The following EFR3B variants were observed in gnomAD, a reference collection of about 807,000 sequenced individuals.
EFR3B encodes EFR3 homolog B.
In EFR3B, 64 loss-of-function variants were observed where a neutral mutation model predicts 104.7. The ratio of observed to expected loss-of-function variants is 0.61; its 90% CI spans 0.50 to 0.75. The LOEUF (loss-of-function observed/expected upper bound fraction) is 0.75. EFR3B is among the 30% of genes least tolerant of loss of function. EFR3B has a pLI of 0.00. For missense variants in EFR3B, 750 were observed against 1,078.5 expected (o/e 0.70, Z 4.27); for synonymous variants, 385 against 417.9 (o/e 0.92, Z 0.96).
chr2:25,060,747 C>T (rs922328561), intron 1 of EFR3B, among the ~76,000 whole-genome samples: 1 of 151,800 alleles, frequency 6.6e-6, no homozygotes, highest in African/African-American at 2.4e-5. Context: ...AGCGAAACCC[C>T]GTCTCTACTA....
At chr2:25,073,243 C>T (rs538941727) in intron 1 of EFR3B, among the ~76,000 whole-genome samples, 2 of 152,160 alleles carry the variant, frequency 1.3e-5, no homozygotes, top group South Asian at 2.1e-4. Context: ...CCACAGAGGG[C>T]GTGGCACACC....
chr2:25,052,198 A>G (rs1163102546), intron 1 of EFR3B, among the ~76,000 whole-genome samples: 1 of 151,908 alleles, frequency 6.6e-6, no homozygotes, highest in Non-Finnish European at 1.5e-5. Flanking sequence ...CTTAGTCTCA[A>G]AAAATAAAAA....
In EFR3B at chr2:25,103,626, GC is replaced by G; in HGVS notation, c.213-8del. The G allele has an allele frequency of 6.5e-7, 1 of 1,545,776 alleles. No homozygotes were observed. The highest frequency in any genetic ancestry group is 1.2e-5 in the South Asian group (1 of 83,652). On this transcript the variant is annotated splice_polypyrimidine_tract_variant and intron_variant, in intron 3 of 22. Coordinates refer to ENST00000403714, the MANE Select transcript of EFR3B (RefSeq NM_014971.2). ...GGCGCGGCCAGTGACGGCATGTGCTGCCCTCCCCAGGTACGTGTGCATTGCT... is the reference window on the plus strand; with the variant it reads ...GGCGCGGCCAGTGACGGCATGTGCTGCCTCCCCAGGTACGTGTGCATTGCT...
At chr2:25,091,947 T>A (rs1355151657) in intron 2 of EFR3B, among the ~76,000 whole-genome samples, 3 of 152,154 alleles carry the variant, frequency 2.0e-5, no homozygotes, top group African/African-American at 7.2e-5. Flanking sequence ...GTACTTGACT[T>A]GCTCTCTGGG....
chr2:25,044,305 A>G (rs1667657757), intron 1 of EFR3B, among the ~76,000 whole-genome samples: 1 of 151,482 alleles, frequency 6.6e-6, no homozygotes, highest in African/African-American at 2.4e-5. Flanking sequence ...GAGGGAGCCC[A>G]CTCCCCCTGG....
At chr2:25,134,210 G>A (rs1041560728) in intron 12 of EFR3B, among the ~76,000 whole-genome samples, 45 of 145,912 alleles carry the variant, frequency 3.1e-4, no homozygotes, top group Admixed American at 1.9e-3. Flanking sequence ...ATGGAGTTTC[G>A]CTCTTGTTGC....
rs1671146572 is a variant in EFR3B, at chr2:25,155,686, C to G, written c.*1346C>G. 3 of 152,162 alleles carry G rather than the reference C, an allele frequency of 2.0e-5. No individual in the cohort carries two copies. In the South Asian group the frequency reaches 6.2e-4, roughly 32 times the overall value. 9.4% of individuals were successfully genotyped at this position (152,162 alleles called of 1,614,324 possible). On this transcript the variant is annotated 3_prime_UTR_variant, in exon 23 of 23. Coordinates refer to ENST00000403714, the MANE Select transcript of EFR3B (RefSeq NM_014971.2). The stretch of plus-strand genomic sequence containing the variant: ...ACCTGGGGCTCCTCCCATGGCAGTG[C>G]CATGTGGTCCAAAATTGCCCTTTCC...
Position 25,044,308 on chromosome 2 carries a change from C to G in EFR3B, c.7+1989C>G, listed in dbSNP as rs575496931. On this transcript the variant is annotated intron_variant, in intron 1 of 22. Coordinates refer to ENST00000403714, the MANE Select transcript of EFR3B (RefSeq NM_014971.2). ...TAGGAGGTGTGGGAGGGAGCCCACT[C>G]CCCCTGGTGAGGACTCAACTGCTTG... is the stretch of plus-strand genomic sequence containing the variant. Among the ~76,000 whole-genome samples, 19 of 152,184 alleles carry G rather than the reference C, an allele frequency of 1.2e-4. 2 individuals are homozygous for G. The highest frequency in any genetic ancestry group is 3.6e-4 in the African/African-American group (15 of 41,516).
Position 25,135,615 on chromosome 2 carries a change from A to G in EFR3B, c.1460A>G (p.Asn487Ser), listed in dbSNP as rs761487297. 4 of 1,550,652 alleles carry G rather than the reference A, an allele frequency of 2.6e-6. No individual in the cohort carries two copies. The highest frequency in any genetic ancestry group is 3.5e-6 in the Non-Finnish European group (4 of 1,146,222). The change falls in exon 13 of 23, where the codon AAC becomes AGC. Residue 487 changes from asparagine (N) to serine (S), a missense_variant. Physicochemically the swap from Asn to Ser is conservative, Grantham distance 46. Transcript: ENST00000403714. ...ILISFIDRHG[N>S]RHKFSTISTL... ...ATCAGTTTCATTGATCGTCATGGCAACCGCCACAAGTTCTCTACCATCAGG... is the reference window on the plus strand; with the variant it reads ...ATCAGTTTCATTGATCGTCATGGCAGCCGCCACAAGTTCTCTACCATCAGG...
At chr2:25,079,972 T>G in intron 1 of EFR3B, 2 of 1,130,374 alleles carry the variant, frequency 1.8e-6, no homozygotes, top group Non-Finnish European at 2.7e-6. Flanking sequence ...GAGAGCCTTC[T>G]GAACGTTCTA....
chr2:25,103,761 A>G lies in EFR3B; in HGVS notation c.337A>G (p.Asn113Asp), dbSNP rs550514556. 5 of 1,551,564 alleles carry G rather than the reference A, an allele frequency of 3.2e-6. No individual in the cohort carries two copies. The East Asian group carries it at 9.8e-5, about 30-fold the overall frequency. The change falls in exon 4 of 23, where the codon AAC becomes GAC. Residue 113 changes from asparagine (N) to aspartate (D), a missense_variant. Asn to Asp is a conservative substitution (Grantham distance 23). Coordinates refer to ENST00000403714, the MANE Select transcript of EFR3B (RefSeq NM_014971.2). ...CAAGCTGCTGGAGTCAGAGAAACCC[A>G]ACCTGCAGATCCTCGGCACCAACTC... ...VAKLLESEKPNLQILGTNSFV... is the reference protein window; with the variant it reads ...VAKLLESEKPDLQILGTNSFV...
At chr2:25,120,724 A>G (rs979780831) in intron 4 of EFR3B, among the ~76,000 whole-genome samples, 15 of 152,244 alleles carry the variant, frequency 9.9e-5, no homozygotes, top group African/African-American at 3.6e-4. Flanking sequence ...CATTTAGTTC[A>G]TGACTGTTGC....
intron 4 of EFR3B, among the ~76,000 whole-genome samples, chr2:25,119,602 A>G (rs1669959833): frequency 6.6e-6 from 1 of 152,196 alleles, no homozygotes; most frequent in Non-Finnish European, 1.5e-5. Context: ...GCGTCACCAC[A>G]TCAGTCATGC....
At chr2:25,121,832 C>T (rs780684875) in intron 5 of EFR3B, 38 bp downstream of exon 5, 4 of 1,551,370 alleles carry the variant, frequency 2.6e-6, no homozygotes, top group Non-Finnish European at 3.5e-6. Context: ...GTTCAGCTTA[C>T]AGCAGAAGCA....
intron 3 of EFR3B, among the ~76,000 whole-genome samples, chr2:25,099,472 A>G (rs763481418): frequency 6.6e-6 from 1 of 151,836 alleles, no homozygotes; most frequent in Non-Finnish European, 1.5e-5. Context: ...CAACTATTTG[A>G]TAATACTTTT....
chr2:25,095,756 G>A (rs988529766), intron 3 of EFR3B, among the ~76,000 whole-genome samples: 3 of 152,056 alleles, frequency 2.0e-5, no homozygotes, highest in African/African-American at 7.2e-5. Flanking sequence ...ATGAACAGTG[G>A]GGCTGGGGTT....
At chr2:25,051,446 C>T (rs1215026464) in intron 1 of EFR3B, among the ~76,000 whole-genome samples, 1 of 151,914 alleles carries the variant, frequency 6.6e-6, no homozygotes, top group Admixed American at 6.6e-5. Context: ...ATGTGATCTT[C>T]TGAGATCTTT....
At chr2:25,091,957 G>C (rs1480359395) in intron 2 of EFR3B, among the ~76,000 whole-genome samples, 1 of 152,136 alleles carries the variant, frequency 6.6e-6, no homozygotes, top group Non-Finnish European at 1.5e-5. Flanking sequence ...TGCTCTCTGG[G>C]AACCAATGGC....
chr2:25,089,158 G>A (rs1232018528), intron 1 of EFR3B, among the ~76,000 whole-genome samples: 1 of 152,180 alleles, frequency 6.6e-6, no homozygotes, highest in African/African-American at 2.4e-5. Flanking sequence ...CATTTGAGAA[G>A]AACTGAGTTG....
Sources: gnomAD v4.1 joint callset for allele counts (sites outside exome capture counted in the v4.1 genomes callset) on GRCh38, gnomAD v4.1.1 for gene constraint, MANE v1.5 for transcripts, NCBI Gene and HGNC (gene_info 2026-07-23, HGNC 2026-07-21) for gene names.